NLRP11: variants seen among roughly 807,000 people sequenced by gnomAD.
NLRP11 encodes NLR family pyrin domain containing 11.
Under a neutral mutation model 79.3 loss-of-function variants are expected in NLRP11, and 53 were observed. The observed-to-expected ratio is 0.67, with a 90% CI of 0.54 to 0.84. NLRP11 has a LOEUF of 0.84. Among genes scored for constraint, NLRP11 ranks in the 40% least tolerant of loss-of-function variants. The pLI is 0.00. For synonymous variants in NLRP11, 518 were observed against 462.6 expected (o/e 1.12, Z -1.54); for missense variants, 1,264 against 1,255.0 (o/e 1.01, Z -0.11).
chr19:55,833,342 G>A (rs1264765242), upstream of NLRP11, among the ~76,000 whole-genome samples: 2 of 151,020 alleles, frequency 1.3e-5, no homozygotes, highest in African/African-American at 4.9e-5. Context: ...ATTCTGAAAT[G>A]TATGTGGAAA....
At chr19:55,828,555 C>G (rs1380623676) in intron 1 of NLRP11, among the ~76,000 whole-genome samples, 2 of 152,206 alleles carry the variant, frequency 1.3e-5, no homozygotes, top group East Asian at 3.9e-4. Flanking sequence ...TGTGTAAGGC[C>G]ACTGCAGCCC....
At chr19:55,799,859 C>T (rs1459125067) in intron 5 of NLRP11, among the ~76,000 whole-genome samples, 4 of 151,846 alleles carry the variant, frequency 2.6e-5, no homozygotes, top group African/African-American at 4.8e-5. Context: ...GCCAGCTACT[C>T]GGGAGGCTGA....
exon 9 of NLRP11, chr19:55,788,893 G>A: frequency 5.6e-6 from 9 of 1,613,864 alleles, no homozygotes; most frequent in African/African-American, 1.3e-5. Flanking sequence ...TTTGAAGCAA[G>A]TTGAGTCTTT....
chr19:55,817,668 C>T lies in NLRP11; in HGVS notation c.271+236G>A, dbSNP rs528244309. Among the ~76,000 whole-genome samples, 10 of 152,060 alleles carry T rather than the reference C, an allele frequency of 6.6e-5. No individual in the cohort carries two copies. The South Asian group carries it at 1.9e-3, about 28-fold the overall frequency. ...GATACATTGGACTACAGGGACTCGG[C>T]GGGAAGTGTGAGAGGGAGGTGAGGG... On this transcript the variant is annotated intron_variant, in intron 2 of 9. Coordinates refer to ENST00000589093, the Ensembl canonical transcript of NLRP11.
chr19:55,832,678 A>T (rs1182654389), upstream of NLRP11: 2 of 152,256 alleles, frequency 1.3e-5, no homozygotes, highest in Non-Finnish European at 2.9e-5. Flanking sequence ...CAAAAGGGGA[A>T]ATATAAAAGA....
chr19:55,819,126 TACACACACACACAC>T (rs59055964), intron 1 of NLRP11, among the ~76,000 whole-genome samples: 4,801 of 105,170 alleles, frequency 0.046, 140 homozygotes, highest in Admixed American at 0.064. Context: ...TGGTATCGCC[TACACACACACACAC>T]ACACACACAC....
intron 5 of NLRP11, among the ~76,000 whole-genome samples, chr19:55,796,473 T>C (rs573496477): frequency 6.6e-6 from 1 of 152,268 alleles, no homozygotes; most frequent in Non-Finnish European, 1.5e-5. Flanking sequence ...AGGCAGTTCC[T>C]TCCTCTTTTG....
intron 1 of NLRP11, among the ~76,000 whole-genome samples, chr19:55,823,104 C>A (rs369301992): frequency 0.013 from 1,544 of 122,538 alleles, no homozygotes; most frequent in African/African-American, 0.028. Context: ...GGTCCCTGAC[C>A]CCTGACCCCC....
At chr19:55,798,454 AATG>A in intron 5 of NLRP11, 4 of 376,454 alleles carry the variant, frequency 1.1e-5, no homozygotes, top group Non-Finnish European at 1.5e-5. Context: ...ATGGGAGCTA[AATG>A]ATGAGAACAC....
intron 5 of NLRP11, among the ~76,000 whole-genome samples, chr19:55,800,355 G>A (rs147389350): frequency 1.2e-3 from 178 of 152,266 alleles, no homozygotes; most frequent in South Asian, 5.2e-3. Context: ...GCCCAGGCTG[G>A]AACGTGCAGC....
At chr19:55,788,861 A>G (rs1257978479) in exon 9 of NLRP11, 2 of 1,613,458 alleles carry the variant, frequency 1.2e-6, no homozygotes, top group East Asian at 2.2e-5. Flanking sequence ...AAGTTTTGCA[A>G]CTCCATCATT....
chr19:55,785,492 G>GTC lies in NLRP11; in HGVS notation c.*131_*132dup, dbSNP rs1491266870. 577 of 652,814 alleles carry GTC rather than the reference G, an allele frequency of 8.8e-4. 3 individuals are homozygous for GTC. In the African/African-American group the frequency reaches 0.011, roughly 13 times the overall value. 40.4% of individuals were successfully genotyped at this position (652,814 alleles called of 1,614,324 possible). ...ATTTGAAGTGGTTGACTGGATCAAGGTCACACACACACACACACACACACA... is the reference window on the plus strand; with the variant it reads ...ATTTGAAGTGGTTGACTGGATCAAGGTCTCACACACACACACACACACACACA... On this transcript the variant is annotated 3_prime_UTR_variant, in exon 10 of 10. Coordinates refer to ENST00000589093, the Ensembl canonical transcript of NLRP11.
chr19:55,824,220 T>G (rs1300063401), intron 1 of NLRP11, among the ~76,000 whole-genome samples: 1 of 140,682 alleles, frequency 7.1e-6, no homozygotes, highest in Non-Finnish European at 1.5e-5. Flanking sequence ...TGCTGAGAGA[T>G]TTTGTCACCA....
intron 9 of NLRP11, among the ~76,000 whole-genome samples, chr19:55,786,799 A>G (rs1225882060): frequency 6.6e-6 from 1 of 152,226 alleles, no homozygotes; most frequent in African/African-American, 2.4e-5. Context: ...TAGATAATAG[A>G]ATAAATACAT....
At chr19:55,829,688 G>A (rs1052353583) in intron 1 of NLRP11, among the ~76,000 whole-genome samples, 4 of 141,512 alleles carry the variant, frequency 2.8e-5, no homozygotes, top group East Asian at 4.1e-4. Context: ...AAAAAAAATC[G>A]TACTTTAAAG....
chr19:55,790,895 A>G (rs909328389), intron 7 of NLRP11, among the ~76,000 whole-genome samples: 1 of 152,346 alleles, frequency 6.6e-6, no homozygotes, highest in Middle Eastern at 3.4e-3. Flanking sequence ...CATGTGCCCT[A>G]TGGGAGCTCA....
intron 2 of NLRP11, among the ~76,000 whole-genome samples, chr19:55,812,215 C>T (rs1050632985): frequency 6.6e-6 from 1 of 151,932 alleles, no homozygotes; most frequent in African/African-American, 2.4e-5. Context: ...TGCATATATC[C>T]CCATATATTA....
At chr19:55,801,038 G>A (rs1035492526) in intron 5 of NLRP11, 1 of 152,838 alleles carries the variant, frequency 6.5e-6, no homozygotes, top group African/African-American at 2.4e-5. Context: ...AATTAGCTGG[G>A]CATGGTGGCA....
chr19:55,811,066 A>G (rs1374257741), intron 2 of NLRP11, among the ~76,000 whole-genome samples: 2 of 152,194 alleles, frequency 1.3e-5, no homozygotes, highest in African/African-American at 4.8e-5. Flanking sequence ...AGTATCTATT[A>G]CATCTTGGCC....
Sources: allele counts gnomAD v4.1 joint callset (sites outside exome capture counted in the v4.1 genomes callset), GRCh38; gene constraint gnomAD v4.1.1; transcripts MANE v1.5; gene names NCBI Gene and HGNC (gene_info 2026-07-23, HGNC 2026-07-21).